STK24: variants seen among roughly 807,000 people sequenced by gnomAD.
STK24 encodes serine/threonine-protein kinase 24.
STK24 carries 21 observed loss-of-function variants against 55.6 expected under a neutral mutation model. That is an observed-to-expected ratio of 0.38 (90% confidence interval 0.27 to 0.54). The LOEUF (loss-of-function observed/expected upper bound fraction) is 0.54. Among genes scored for constraint, STK24 ranks in the 20% least tolerant of loss-of-function variants. The pLI, the probability that STK24 is intolerant of heterozygous loss-of-function variation, is 0.79. For synonymous variants in STK24, 200 were observed against 215.2 expected, an observed-to-expected ratio of 0.93 and a Z score of 0.62; for missense variants, 383 against 538.4, an observed-to-expected ratio of 0.71 and a Z score of 2.86.
chr13:98,558,153 G>A (rs1448255668), intron 1 of STK24, among the ~76,000 whole-genome samples: 2 of 152,172 alleles, frequency 1.3e-5, no homozygotes, highest in African/African-American at 4.8e-5. Flanking sequence ...CCCAATGCCA[G>A]CACTGCACCA....
chr13:98,558,557 C>T (rs9517350), intron 1 of STK24, among the ~76,000 whole-genome samples: 25,252 of 152,152 alleles, frequency 0.17, 2,157 homozygotes, highest in African/African-American at 0.18. Flanking sequence ...GAAAACTCCT[C>T]CTCCTCCTCC....
chr13:98,487,391 G>A (rs1894848176), intron 2 of STK24, among the ~76,000 whole-genome samples: 1 of 152,036 alleles, frequency 6.6e-6, no homozygotes, highest in South Asian at 2.1e-4. Flanking sequence ...TTCTCATCAG[G>A]GAAATAAAAG....
In STK24 at chr13:98,446,229, TG is replaced by T; in HGVS notation, c.*6943del. 2 of 1,518,748 alleles carry T rather than the reference TG, an allele frequency of 1.3e-6. No individual in the cohort carries two copies. The highest frequency in any genetic ancestry group is 1.8e-6 in the Non-Finnish European group (2 of 1,094,736). The allele number at this position is 1,518,748 out of a possible 1,614,324, so 94.1% of individuals were successfully genotyped here. ...AGGTAAGTGTCTCGCACAGGGCAGG[TG>T]GCCCTGGGACCTTGGGGGTGGCAGC... On this transcript the variant is annotated 3_prime_UTR_variant, in exon 11 of 11. Transcript: ENST00000539966.
intron 1 of STK24, chr13:98,576,161 C>CG (rs1466312603): frequency 3.0e-6 from 3 of 985,172 alleles, no homozygotes; most frequent in Non-Finnish European, 3.6e-6. Context: ...CGCAGGTGCA[C>CG]GGGGGCTCCG....
intron 1 of STK24, among the ~76,000 whole-genome samples, chr13:98,540,862 C>T (rs936260384): frequency 1.1e-4 from 16 of 149,392 alleles, no homozygotes; most frequent in African/African-American, 3.5e-4. Context: ...GGCCTTAAAG[C>T]ATGACAAAAT....
At chr13:98,489,604 G>GAAC (rs1894942302) in intron 2 of STK24, among the ~76,000 whole-genome samples, 1 of 152,218 alleles carries the variant, frequency 6.6e-6, no homozygotes, top group African/African-American at 2.4e-5. Context: ...AAAAGACAGG[G>GAAC]AACACCTGGT....
intron 2 of STK24, among the ~76,000 whole-genome samples, chr13:98,513,792 A>G (rs2139370826): frequency 6.6e-6 from 1 of 152,332 alleles, no homozygotes; most frequent in South Asian, 2.1e-4. Flanking sequence ...CAAAGACATG[A>G]ATGAGAAAGA....
rs375183096 is a variant in STK24 at position 98,501,263 on chromosome 13, C to T, written c.273+17980G>A. Among the ~76,000 whole-genome samples the T allele has an allele frequency of 2.3e-4, 35 of 152,302 alleles. 1 individual carries two copies. In the South Asian group the frequency reaches 6.8e-3, roughly 30 times the overall value. On this transcript the variant is annotated intron_variant, in intron 2 of 10. Coordinates refer to ENST00000539966, the MANE Select transcript of STK24 (RefSeq NM_001032296.4). ...GAGAAACCCCAGGAGGGGAATCGCC[C>T]TGAACCTGCACACTCCCTCCTCACA...
At chr13:98,534,708 T>G (rs1317093688) in intron 1 of STK24, among the ~76,000 whole-genome samples, 1 of 152,196 alleles carries the variant, frequency 6.6e-6, no homozygotes, top group Non-Finnish European at 1.5e-5. Context: ...CAACCAGTTC[T>G]GGGATCCCAC....
intron 2 of STK24, among the ~76,000 whole-genome samples, chr13:98,510,576 T>C (rs977597434): frequency 6.6e-6 from 1 of 152,234 alleles, no homozygotes; most frequent in African/African-American, 2.4e-5. Context: ...ATCCACAGAA[T>C]GGAACATTAT....
chr13:98,509,469 A>G (rs1594624235), intron 2 of STK24, among the ~76,000 whole-genome samples: 1 of 152,052 alleles, frequency 6.6e-6, no homozygotes, highest in East Asian at 1.9e-4. Context: ...TACTGAAAAC[A>G]GTCTCAACAG....
intron 1 of STK24, among the ~76,000 whole-genome samples, chr13:98,524,655 CGGTTTCTT>C (rs1295973385): frequency 8.5e-5 from 13 of 152,294 alleles, no homozygotes; most frequent in Admixed American, 2.6e-4. Flanking sequence ...AGTGATATAG[CGGTTTCTT>C]GGTTTCTTAT....
chr13:98,535,442 G>C (rs1896703682), intron 1 of STK24, among the ~76,000 whole-genome samples: 1 of 139,450 alleles, frequency 7.2e-6, no homozygotes, highest in African/African-American at 2.7e-5. Flanking sequence ...CACACGCAAT[G>C]CATTCCAAAT....
intron 1 of STK24, among the ~76,000 whole-genome samples, chr13:98,551,408 C>T (rs1682120367): frequency 6.6e-6 from 1 of 151,774 alleles, no homozygotes; most frequent in African/African-American, 2.4e-5. Flanking sequence ...TCTGAGTTAT[C>T]TAATCCATTA....
intron 3 of STK24, among the ~76,000 whole-genome samples, chr13:98,480,989 A>G (rs529820062): frequency 6.6e-6 from 1 of 152,316 alleles, no homozygotes; most frequent in Admixed American, 6.5e-5. Context: ...CCCTGCAACC[A>G]CAGCCCTGTC....
intron 1 of STK24, among the ~76,000 whole-genome samples, chr13:98,571,586 CAAAT>C (rs1398348683): frequency 6.6e-6 from 1 of 152,122 alleles, no homozygotes; most frequent in Non-Finnish European, 1.5e-5. Flanking sequence ...TCAAGCAAAA[CAAAT>C]TCTTACCATT....
At chr13:98,551,958 A>G (rs1034700525) in intron 1 of STK24, among the ~76,000 whole-genome samples, 2 of 152,160 alleles carry the variant, frequency 1.3e-5, no homozygotes, top group African/African-American at 2.4e-5. Flanking sequence ...GGTTCGTGAC[A>G]TTGCTGATGG....
At chr13:98,501,292 C>T (rs1895452157) in intron 2 of STK24, among the ~76,000 whole-genome samples, 1 of 152,198 alleles carries the variant, frequency 6.6e-6, no homozygotes, top group Non-Finnish European at 1.5e-5. Flanking sequence ...CCTCACAGAG[C>T]TGTGGTGTGC....
intron 1 of STK24, among the ~76,000 whole-genome samples, chr13:98,572,462 G>GA (rs1594680054): frequency 6.6e-6 from 1 of 151,818 alleles, no homozygotes; most frequent in Non-Finnish European, 1.5e-5. Flanking sequence ...ACACTAACAA[G>GA]AAAAAAAAGT....
Sources: gnomAD v4.1 joint callset for allele counts (sites outside exome capture counted in the v4.1 genomes callset) on GRCh38, gnomAD v4.1.1 for gene constraint, MANE v1.5 for transcripts, NCBI Gene and HGNC (gene_info 2026-07-23, HGNC 2026-07-21) for gene names.